The following NRXN1 variants were observed in gnomAD, a reference collection of about 807,000 sequenced individuals.
NRXN1 encodes the protein neurexin 1, also known as neurexin-1.
Under a neutral mutation model 150.9 loss-of-function variants are expected in NRXN1, and 39 were observed. The observed-to-expected ratio is 0.26, with a 90% CI of 0.20 to 0.34. NRXN1 has a LOEUF of 0.34. NRXN1 is among the 10% of genes least tolerant of loss of function. NRXN1 has a pLI of 1.00. For missense variants in NRXN1, 1,815 were observed against 1,949.9 expected, an observed-to-expected ratio of 0.93 and a Z score of 1.30; for synonymous variants, 924 against 757.0, an observed-to-expected ratio of 1.22 and a Z score of -3.62.
intron 17 of NRXN1, among the ~76,000 whole-genome samples, chr2:50,352,441 A>T (rs1034841454): frequency 6.6e-6 from 1 of 152,152 alleles, no homozygotes; most frequent in Non-Finnish European, 1.5e-5. Flanking sequence ...ATAGAAAAGT[A>T]GACACTAAAA....
intron 18 of NRXN1, among the ~76,000 whole-genome samples, chr2:50,114,531 T>A (rs1702777572): frequency 6.6e-6 from 1 of 152,174 alleles, no homozygotes; most frequent in Non-Finnish European, 1.5e-5. Flanking sequence ...AGCTGAGAAT[T>A]TATGTCCACA....
At chr2:50,666,767 A>G (rs1688081559) in intron 5 of NRXN1, among the ~76,000 whole-genome samples, 1 of 151,880 alleles carries the variant, frequency 6.6e-6, no homozygotes, top group African/African-American at 2.4e-5. Flanking sequence ...ATATTTTAGA[A>G]CTACTAACCC....
At chr2:50,408,824 T>C (rs537753398) in intron 17 of NRXN1, among the ~76,000 whole-genome samples, 127 of 149,550 alleles carry the variant, frequency 8.5e-4, no homozygotes, top group African/African-American at 3.0e-3. Flanking sequence ...AAGAGTTGGG[T>C]GAATCAATCT....
intron 11 of NRXN1, among the ~76,000 whole-genome samples, 156 bp downstream of exon 11, chr2:50,531,071 A>T (rs1195154183): frequency 1.3e-5 from 2 of 152,234 alleles, no homozygotes; most frequent in Non-Finnish European, 2.9e-5. Flanking sequence ...AAATAAAAAG[A>T]TGCCCCCGAA....
Position 50,596,615 on chromosome 2 carries a change from T to C in NRXN1, c.1320+23407A>G, listed in dbSNP as rs143647577. ...ACTGTGTAGTTCACAGTAATTTTAT[T>C]ACAACTACTAGAAGAAAGGGCTCAG... On this transcript the variant is annotated intron_variant, in intron 8 of 22. Transcript: ENST00000401669. Among the ~76,000 whole-genome samples, 761 of 152,278 alleles carry C rather than the reference T, an allele frequency of 5.0e-3. 4 individuals carry two copies. Among genetic ancestry groups the C allele is most frequent in the Non-Finnish European group, 7.4e-3 (506 of 68,018 alleles).
intron 6 of NRXN1, among the ~76,000 whole-genome samples, chr2:50,621,571 C>T (rs948858475): frequency 9.2e-5 from 14 of 152,110 alleles, no homozygotes; most frequent in African/African-American, 3.1e-4. Flanking sequence ...TTCCTGAGTA[C>T]ATCTGAGAGA....
At chr2:50,189,994 T>A (rs987285303) in intron 18 of NRXN1, among the ~76,000 whole-genome samples, 17 of 152,140 alleles carry the variant, frequency 1.1e-4, no homozygotes, top group African/African-American at 4.1e-4. Flanking sequence ...TGGTATGAGA[T>A]TAGTAGCAAA....
chr2:50,954,129 G>A (rs1691878998), intron 2 of NRXN1, among the ~76,000 whole-genome samples: 1 of 152,074 alleles, frequency 6.6e-6, no homozygotes, highest in South Asian at 2.1e-4. Context: ...CTCTCTCTGA[G>A]TAGAAATAAT....
intron 16 of NRXN1, among the ~76,000 whole-genome samples, chr2:50,471,728 T>A (rs779243666): frequency 3.3e-5 from 5 of 151,678 alleles, no homozygotes; most frequent in African/African-American, 4.8e-5. Context: ...TGGGGCCTAC[T>A]GGAGGGTGGA....
chr2:50,590,513 C>G (rs571087204), intron 8 of NRXN1, among the ~76,000 whole-genome samples: 1 of 152,114 alleles, frequency 6.6e-6, no homozygotes, highest in Admixed American at 6.5e-5. Context: ...CCCTGGACAA[C>G]TAACATTAAC....
At chr2:50,238,453 T>C (rs2065678241) in intron 17 of NRXN1, among the ~76,000 whole-genome samples, 1 of 152,052 alleles carries the variant, frequency 6.6e-6, no homozygotes, top group African/African-American at 2.4e-5. Flanking sequence ...GATTTGATCA[T>C]ATATACATGA....
chr2:50,245,279 T>C (rs2066394218), intron 17 of NRXN1, among the ~76,000 whole-genome samples: 1 of 151,858 alleles, frequency 6.6e-6, no homozygotes, highest in Non-Finnish European at 1.5e-5. Flanking sequence ...AGGTAAGTAG[T>C]AGAACTTTTG....
At chr2:51,013,321 C>G (rs1287105734) in intron 2 of NRXN1, among the ~76,000 whole-genome samples, 1 of 152,096 alleles carries the variant, frequency 6.6e-6, no homozygotes, top group African/African-American at 2.4e-5. Flanking sequence ...TCCAGGGACA[C>G]CAATGTGCAA....
At chr2:49,948,931 T>C (rs547628492) in intron 21 of NRXN1, among the ~76,000 whole-genome samples, 4 of 152,052 alleles carry the variant, frequency 2.6e-5, no homozygotes, top group Admixed American at 2.0e-4. Flanking sequence ...ACAGGTGAAA[T>C]TGCTATGCTG....
intron 18 of NRXN1, among the ~76,000 whole-genome samples, chr2:50,120,569 G>C (rs1343411331): frequency 6.6e-6 from 1 of 152,076 alleles, no homozygotes; most frequent in African/African-American, 2.4e-5. Context: ...AACAGGAAAT[G>C]AAAGTACAAA....
intron 5 of NRXN1, among the ~76,000 whole-genome samples, chr2:50,906,260 A>G (rs1683659148): frequency 1.3e-5 from 2 of 152,128 alleles, no homozygotes; most frequent in Non-Finnish European, 2.9e-5. Context: ...ACTAAAATGG[A>G]AATCAGAAGC....
intron 17 of NRXN1, among the ~76,000 whole-genome samples, chr2:50,281,266 G>A (rs914178191): frequency 3.3e-5 from 5 of 151,724 alleles, no homozygotes; most frequent in African/African-American, 2.4e-5. Flanking sequence ...GCAGTGAGCC[G>A]AGATCGCGCC....
intron 17 of NRXN1, among the ~76,000 whole-genome samples, chr2:50,447,271 C>T (rs966528632): frequency 6.6e-6 from 1 of 151,722 alleles, no homozygotes; most frequent in Non-Finnish European, 1.5e-5. Context: ...GTCAGAATTT[C>T]GAGATCAGCC....
chr2:51,004,954 G>A (rs151298010), intron 2 of NRXN1, among the ~76,000 whole-genome samples: 274 of 152,064 alleles, frequency 1.8e-3, no homozygotes, highest in Non-Finnish European at 3.3e-3. Context: ...TACCGCATAA[G>A]ATGGAACATA....
Sources: gnomAD v4.1 joint callset for allele counts (sites outside exome capture counted in the v4.1 genomes callset) on GRCh38, gnomAD v4.1.1 for gene constraint, MANE v1.5 for transcripts, NCBI Gene and HGNC (gene_info 2026-07-23, HGNC 2026-07-21) for gene names.